The following BCL11A variants were observed in gnomAD, a reference collection of about 807,000 sequenced individuals.
BCL11A encodes the protein BCL11 transcription factor A.
Under a neutral mutation model 55.9 loss-of-function variants are expected in BCL11A, and 2 were observed. The ratio of observed to expected loss-of-function variants is 0.04; its 90% CI spans 0.01 to 0.11. The LOEUF (loss-of-function observed/expected upper bound fraction) is 0.11. Ranked by LOEUF, BCL11A falls within the 10% of genes least tolerant of loss-of-function variation. The pLI, the probability that BCL11A is intolerant of heterozygous loss-of-function variation, is 1.00. For missense variants in BCL11A, 817 were observed against 1,137.1 expected (o/e 0.72, Z 4.05); for synonymous variants, 465 against 473.4 (o/e 0.98, Z 0.23).
intron 2 of BCL11A, among the ~76,000 whole-genome samples, chr2:60,495,138 T>C (rs958679859): frequency 6.6e-6 from 1 of 152,184 alleles, no homozygotes; most frequent in Non-Finnish European, 1.5e-5. Context: ...CAATTCTCCA[T>C]CACCAAGAGA....
intron 2 of BCL11A, chr2:60,533,310 T>C (rs895526338): frequency 6.6e-6 from 1 of 152,154 alleles, no homozygotes; most frequent in Non-Finnish European, 1.5e-5. Flanking sequence ...CTTGTTAGGA[T>C]CCCTTTCTTG....
chr2:60,475,367 T>C (rs1014595357), intron 2 of BCL11A, among the ~76,000 whole-genome samples: 9 of 152,162 alleles, frequency 5.9e-5, no homozygotes, highest in Non-Finnish European at 1.2e-4. Flanking sequence ...AATTGTTTCT[T>C]CCCCCAATGA....
intron 2 of BCL11A, among the ~76,000 whole-genome samples, chr2:60,488,650 A>C (rs1253311635): frequency 1.3e-5 from 2 of 152,252 alleles, no homozygotes; most frequent in African/African-American, 4.8e-5. Flanking sequence ...GTTTTGCTTA[A>C]CATGAAAATA....
chr2:60,521,226 G>A (rs1410986957), intron 2 of BCL11A, among the ~76,000 whole-genome samples: 1 of 152,188 alleles, frequency 6.6e-6, no homozygotes, highest in East Asian at 1.9e-4. Flanking sequence ...AATTTAATCT[G>A]CTGTAAACCC....
At chr2:60,472,244 T>C (rs1677245733) in intron 2 of BCL11A, among the ~76,000 whole-genome samples, 1 of 152,330 alleles carries the variant, frequency 6.6e-6, no homozygotes, top group South Asian at 2.1e-4. Context: ...GCCAGACAGA[T>C]TGTGTCCTCA....
intron 2 of BCL11A, among the ~76,000 whole-genome samples, chr2:60,486,451 G>GCA (rs149432248): frequency 4.6e-5 from 7 of 151,860 alleles, no homozygotes; most frequent in South Asian, 2.1e-4. Flanking sequence ...CTATACTTAG[G>GCA]CACACACACA....
At chr2:60,536,114 C>T (rs1669658401) in intron 2 of BCL11A, 1 of 152,186 alleles carries the variant, frequency 6.6e-6, no homozygotes, top group African/African-American at 2.4e-5. Context: ...ATAACAGCTT[C>T]GAAAGGCCAC....
At chr2:60,550,691 G>C (rs188402781) in intron 1 of BCL11A, among the ~76,000 whole-genome samples, 1 of 152,124 alleles carries the variant, frequency 6.6e-6, no homozygotes, top group Non-Finnish European at 1.5e-5. Context: ...CAGGAGGAGG[G>C]GGTACTAACC....
intron 2 of BCL11A, among the ~76,000 whole-genome samples, chr2:60,470,483 C>G (rs1227929447): frequency 1.3e-5 from 2 of 152,216 alleles, no homozygotes; most frequent in South Asian, 2.1e-4. Context: ...TTAGGAAACA[C>G]AGGCAACCCA....
chr2:60,459,901 T>C lies in BCL11A; in HGVS notation c.*503A>G. ...CGTTATAAAATAAAACTGTACATGA[T>C]ATGTATTACAGAATGTATGCAGCAT... On this transcript the variant is annotated 3_prime_UTR_variant, in exon 4 of 4. Transcript: ENST00000642384. 1 of 1,054,568 alleles carries C rather than the reference T, an allele frequency of 9.5e-7. No homozygotes were observed. The highest frequency in any genetic ancestry group is 1.1e-6 in the Non-Finnish European group (1 of 872,434). The allele number at this position is 1,054,568 out of a possible 1,614,324, so 65.3% of individuals were successfully genotyped here. A position where few individuals can be genotyped will look rare whatever the true frequency, so the allele number is the denominator to read the frequency against.
In BCL11A at chr2:60,459,163, C is replaced by G. The variant is rs954880151; in HGVS notation, c.*1241G>C. 2.8e-5 allele frequency: 29 copies of G among 1,024,110 alleles called. 1 individual carries two copies. In the Middle Eastern group the frequency reaches 1.4e-3, roughly 49 times the overall value. The allele number at this position is 1,024,110 out of a possible 1,614,324, so 63.4% of individuals were successfully genotyped here. Reference sequence around the variant, plus strand: ...TTTTCTTCTGTTCCCCTCTGTCAAACCTTATTGTCAGCCTCTTCCTTTCAA... The same window carrying G: ...TTTTCTTCTGTTCCCCTCTGTCAAAGCTTATTGTCAGCCTCTTCCTTTCAA... On this transcript the variant is annotated 3_prime_UTR_variant, in exon 4 of 4. Transcript: ENST00000642384.
intron 2 of BCL11A, among the ~76,000 whole-genome samples, chr2:60,523,294 T>C (rs1669072080): frequency 6.6e-6 from 1 of 152,186 alleles, no homozygotes; most frequent in South Asian, 2.1e-4. Flanking sequence ...GATTCCTGCT[T>C]GGGACTGTTG....
At chr2:60,518,769 G>A (rs1573046192) in intron 2 of BCL11A, among the ~76,000 whole-genome samples, 2 of 152,140 alleles carry the variant, frequency 1.3e-5, no homozygotes, top group Non-Finnish European at 1.5e-5. Flanking sequence ...CCTGGGGGCC[G>A]GGCGTGGATT....
chr2:60,511,573 T>A (rs923934356), intron 2 of BCL11A, among the ~76,000 whole-genome samples: 1 of 152,202 alleles, frequency 6.6e-6, no homozygotes, highest in Non-Finnish European at 1.5e-5. Flanking sequence ...TATTTTAAGT[T>A]AACAGAGCGC....
At chr2:60,452,265 G>A (rs940824031), downstream of BCL11A, 182 of 290,888 alleles carry the variant, frequency 6.3e-4, 1 homozygote, top group Admixed American at 2.4e-4. Flanking sequence ...CACAATACAG[G>A]TAATTAGGTT....
chr2:60,487,735 G>C (rs1395097621), intron 2 of BCL11A, among the ~76,000 whole-genome samples: 1 of 152,180 alleles, frequency 6.6e-6, no homozygotes, highest in African/African-American at 2.4e-5. Flanking sequence ...TAAAAAGCAA[G>C]AGGCTTAATT....
chr2:60,535,390 G>A (rs186410633), intron 2 of BCL11A: 10 of 152,240 alleles, frequency 6.6e-5, no homozygotes, highest in African/African-American at 2.2e-4. Context: ...TGCAAACATC[G>A]TCACGGACTT....
chr2:60,456,669 C>A (rs1329344294), downstream of BCL11A, among the ~76,000 whole-genome samples: 1 of 152,128 alleles, frequency 6.6e-6, no homozygotes, highest in Admixed American at 6.5e-5. Context: ...AAACCTGATG[C>A]CTTTGTTTCC....
At chr2:60,455,531 T>G (rs1675898244), downstream of BCL11A, among the ~76,000 whole-genome samples, 1 of 152,210 alleles carries the variant, frequency 6.6e-6, no homozygotes, top group South Asian at 2.1e-4. Flanking sequence ...TTATTTAACT[T>G]TGGGACCATG....
Sources: gnomAD v4.1 joint callset for allele counts (sites outside exome capture counted in the v4.1 genomes callset) on GRCh38, gnomAD v4.1.1 for gene constraint, MANE v1.5 for transcripts, NCBI Gene and HGNC (gene_info 2026-07-23, HGNC 2026-07-21) for gene names.